COL23A1: variants seen among roughly 807,000 people sequenced by gnomAD.
COL23A1 encodes collagen type XXIII alpha 1 chain.
COL23A1 carries 97 observed loss-of-function variants against 99.3 expected under a neutral mutation model. The ratio of observed to expected loss-of-function variants is 0.98; its 90% CI spans 0.83 to 1.16. The LOEUF (loss-of-function observed/expected upper bound fraction) is 1.16. Among genes scored for constraint, COL23A1 ranks in the 50% most tolerant of loss-of-function variants. The pLI, the probability that COL23A1 is intolerant of heterozygous loss-of-function variation, is 0.00. For synonymous variants in COL23A1, 320 were observed against 308.2 expected (o/e 1.04, Z -0.40); for missense variants, 762 against 757.4 (o/e 1.01, Z -0.07).
rs571830537 is a variant in COL23A1 at position 178,350,653 on chromosome 5, C to T, written c.362-43734G>A. 1.9e-3 allele frequency among the ~76,000 whole-genome samples: 283 copies of T among 152,254 alleles called. 2 individuals carry two copies. The highest frequency in any genetic ancestry group is 6.6e-3 in the African/African-American group (273 of 41,536). ...TATGTTGCAATGACAGCATTGAAGG[C>T]GGAGTGATTCATTTTGCTGGGGGGC... On this transcript the variant is annotated intron_variant, in intron 2 of 28. Transcript: ENST00000390654.
chr5:178,408,783 C>T (rs1007117995), intron 2 of COL23A1, among the ~76,000 whole-genome samples: 3 of 151,652 alleles, frequency 2.0e-5, no homozygotes, highest in East Asian at 1.9e-4. Flanking sequence ...GGAGAAACCC[C>T]GTCTCTATTA....
intron 2 of COL23A1, among the ~76,000 whole-genome samples, chr5:178,453,303 G>A (rs1767592560): frequency 6.6e-6 from 1 of 152,208 alleles, no homozygotes; most frequent in South Asian, 2.1e-4. Context: ...AGCATACACA[G>A]TGCAGCCTAC....
In COL23A1 at chr5:178,440,311, T is replaced by C. The variant is rs149506536; in HGVS notation, c.361+120371A>G. ...AGGACCCAAGCCCCGTGGAACTCTC[T>C]CCAGGCTCATGACCCCCTCTGGAAT... On this transcript the variant is annotated intron_variant, in intron 2 of 28. Coordinates refer to ENST00000390654, the MANE Select transcript of COL23A1 (RefSeq NM_173465.4). 6.5e-4 allele frequency among the ~76,000 whole-genome samples: 99 copies of C among 152,260 alleles called. 1 individual carries two copies. Among genetic ancestry groups the C allele is most frequent in the Non-Finnish European group, 4.4e-4 (30 of 68,010 alleles).
At chr5:178,283,516 C>T (rs1757006672) in intron 5 of COL23A1, among the ~76,000 whole-genome samples, 1 of 152,166 alleles carries the variant, frequency 6.6e-6, no homozygotes, top group Non-Finnish European at 1.5e-5. Context: ...GTCCATTCAC[C>T]CAGCCAACAC....
intron 2 of COL23A1, among the ~76,000 whole-genome samples, chr5:178,374,890 T>C (rs1762989185): frequency 6.6e-6 from 1 of 152,136 alleles, no homozygotes; most frequent in African/African-American, 2.4e-5. Flanking sequence ...AGTCAAATTA[T>C]TGAATAACCC....
At chr5:178,472,579 G>GCGGCATCCATGGGTGC (rs1554178399) in intron 2 of COL23A1, among the ~76,000 whole-genome samples, 2 of 151,770 alleles carry the variant, frequency 1.3e-5, no homozygotes, top group Non-Finnish European at 2.9e-5. Flanking sequence ...AACGGCTGCA[G>GCGGCATCCATGGGTGC]CAGCATCCAT....
At chr5:178,285,310 A>T (rs754916069) in intron 5 of COL23A1, among the ~76,000 whole-genome samples, 1 of 152,238 alleles carries the variant, frequency 6.6e-6, no homozygotes, top group Non-Finnish European at 1.5e-5. Context: ...TGCTCTTAGA[A>T]AGTGATAAGA....
chr5:178,288,099 C>T (rs1254069077), intron 5 of COL23A1, among the ~76,000 whole-genome samples: 1 of 152,164 alleles, frequency 6.6e-6, no homozygotes, highest in African/African-American at 2.4e-5. Context: ...TTCAGTGCCA[C>T]CCAGACACCT....
chr5:178,470,835 A>G (rs916771176), intron 2 of COL23A1, among the ~76,000 whole-genome samples: 4 of 152,224 alleles, frequency 2.6e-5, no homozygotes, highest in African/African-American at 4.8e-5. Flanking sequence ...GCGGCCGTTC[A>G]TGCTGAGAGC....
At chr5:178,262,983 G>A (rs536499995) in intron 9 of COL23A1, among the ~76,000 whole-genome samples, 1 of 152,230 alleles carries the variant, frequency 6.6e-6, no homozygotes, top group African/African-American at 2.4e-5. Flanking sequence ...TAAGGGTCTG[G>A]GTTGAAGTTA....
At chr5:178,389,551 C>T (rs1336149072) in intron 2 of COL23A1, among the ~76,000 whole-genome samples, 1 of 152,244 alleles carries the variant, frequency 6.6e-6, no homozygotes, top group African/African-American at 2.4e-5. Flanking sequence ...AGGGTGCCCA[C>T]TGACACTAAT....
intron 2 of COL23A1, among the ~76,000 whole-genome samples, chr5:178,390,325 TGGA>T (rs1431642220): frequency 1.3e-5 from 2 of 152,188 alleles, no homozygotes; most frequent in Admixed American, 6.5e-5. Flanking sequence ...TACAACTGGC[TGGA>T]GGAGGACAGC....
intron 2 of COL23A1, among the ~76,000 whole-genome samples, chr5:178,557,626 C>T (rs1386757859): frequency 6.6e-6 from 1 of 152,196 alleles, no homozygotes; most frequent in African/African-American, 2.4e-5. Flanking sequence ...CCGCTGACTC[C>T]CCGGGCTGCT....
chr5:178,470,449 C>T (rs1406564989), intron 2 of COL23A1, among the ~76,000 whole-genome samples: 2 of 152,318 alleles, frequency 1.3e-5, no homozygotes, highest in East Asian at 1.9e-4. Context: ...AAACCCAGGA[C>T]GTGAGGACTC....
chr5:178,571,931 G>A (rs1581660919), intron 1 of COL23A1, among the ~76,000 whole-genome samples: 1 of 152,044 alleles, frequency 6.6e-6, no homozygotes, highest in Non-Finnish European at 1.5e-5. Flanking sequence ...AGCTGGGTGT[G>A]GTGGCGGGCG....
rs1393116098 is a variant in COL23A1, at chr5:178,410,795, TTG to T, written c.362-103878_362-103877del. Among the ~76,000 whole-genome samples the T allele has an allele frequency of 3.3e-5, 5 of 152,320 alleles. 1 individual carries two copies. Among genetic ancestry groups the T allele is most frequent in the African/African-American group, 4.8e-5 (2 of 41,564 alleles). ...ATGCAGTACAATTTCATCAAAACTT[TTG>T]TGTGTTAAAGGACATTATCAAAAAA... On this transcript the variant is annotated intron_variant, in intron 2 of 28. Coordinates refer to ENST00000390654, the MANE Select transcript of COL23A1 (RefSeq NM_173465.4).
At chr5:178,312,244 G>A (rs1758735744) in intron 2 of COL23A1, among the ~76,000 whole-genome samples, 2 of 152,202 alleles carry the variant, frequency 1.3e-5, no homozygotes, top group African/African-American at 4.8e-5. Context: ...TGAGAATGCA[G>A]AGGCTGAGCT....
At chr5:178,440,954 T>G (rs941822605) in intron 2 of COL23A1, among the ~76,000 whole-genome samples, 1 of 152,180 alleles carries the variant, frequency 6.6e-6, no homozygotes, top group African/African-American at 2.4e-5. Flanking sequence ...TATCTCTATG[T>G]GTACTGAATT....
intron 2 of COL23A1, among the ~76,000 whole-genome samples, chr5:178,397,058 T>C (rs1299412038): frequency 6.6e-6 from 1 of 152,144 alleles, no homozygotes; most frequent in African/African-American, 2.4e-5. Flanking sequence ...TCGCAGAGGC[T>C]TTCTGGGACT....
Sources: allele counts gnomAD v4.1 joint callset (sites outside exome capture counted in the v4.1 genomes callset), GRCh38; gene constraint gnomAD v4.1.1; transcripts MANE v1.5; gene names NCBI Gene and HGNC (gene_info 2026-07-23, HGNC 2026-07-21).